Variants in ZBTB46 observed in about 807,000 individuals in gnomAD.
ZBTB46 encodes the protein zinc finger and BTB domain containing 46.
In ZBTB46, 8 loss-of-function variants were observed where a neutral mutation model predicts 44.1. The ratio of observed to expected loss-of-function variants is 0.18; its 90% CI spans 0.11 to 0.33. ZBTB46 has a LOEUF of 0.33. Ranked by LOEUF, ZBTB46 falls within the 10% of genes least tolerant of loss-of-function variation. The probability of loss-of-function intolerance (pLI) is 1.00; values close to 1 mark genes in which losing one functional copy is unlikely to be tolerated. For missense variants in ZBTB46, 651 were observed against 847.7 expected (o/e 0.77, Z 2.88); for synonymous variants, 409 against 382.3 (o/e 1.07, Z -0.81).
chr20:63,771,689 C>T (rs530729609), intron 3 of ZBTB46, among the ~76,000 whole-genome samples: 12 of 152,308 alleles, frequency 7.9e-5, no homozygotes, highest in Non-Finnish European at 1.3e-4. Flanking sequence ...CTGGTGTCCA[C>T]GGTTTACTCC....
chr20:63,774,299 G>A (rs1416546394), intron 3 of ZBTB46, among the ~76,000 whole-genome samples: 7 of 152,152 alleles, frequency 4.6e-5, no homozygotes, highest in East Asian at 1.9e-4. Context: ...TCACACCAAC[G>A]CGAAAATTCG....
At position 63,806,331 on chromosome 20, in the gene ZBTB46, C is replaced by T. The variant is rs148030623; in HGVS notation, c.-33-15541G>A. Among the ~76,000 whole-genome samples, 478 of 148,590 alleles carry T rather than the reference C, an allele frequency of 3.2e-3. 2 individuals carry two copies. The highest frequency in any genetic ancestry group is 0.011 in the African/African-American group (436 of 40,344). Reference sequence around the variant, plus strand: ...CTGATGCAGGAAAATTGCTTGAACCCGAGAGGCAGAGGTTGCAGTGAGCCG... The same window carrying T: ...CTGATGCAGGAAAATTGCTTGAACCTGAGAGGCAGAGGTTGCAGTGAGCCG... On this transcript the variant is annotated intron_variant, in intron 1 of 4. Coordinates refer to ENST00000245663, the MANE Select transcript of ZBTB46 (RefSeq NM_001369741.1).
chr20:63,822,779 T>C (rs2092799365), intron 1 of ZBTB46, among the ~76,000 whole-genome samples: 5 of 152,010 alleles, frequency 3.3e-5, no homozygotes, highest in Non-Finnish European at 5.9e-5. Flanking sequence ...TTTGGGAGGC[T>C]GAGGCAGGAT....
At chr20:63,833,102 C>G (rs971090397), upstream of ZBTB46, among the ~76,000 whole-genome samples, 1 of 152,254 alleles carries the variant, frequency 6.6e-6, no homozygotes, top group Non-Finnish European at 1.5e-5. Context: ...CCCTAGACAG[C>G]CTCCAAGGAG....
At chr20:63,821,036 G>A (rs1293856017) in intron 1 of ZBTB46, among the ~76,000 whole-genome samples, 1 of 152,002 alleles carries the variant, frequency 6.6e-6, no homozygotes, top group African/African-American at 2.4e-5. Context: ...GGGATTACAG[G>A]CATGCGCCAT....
chr20:63,752,106 T>G lies in ZBTB46; in HGVS notation c.1398+580A>C, dbSNP rs2092173716. ...CCCCGAACCCTTGGGGCCGCCCCGC[T>G]CTGGGCTGCCTGTGCCCCACCCGCC... On this transcript the variant is annotated intron_variant, in intron 4 of 4. Transcript: ENST00000245663. The surrounding 1 kb of genome is among the most constrained non-coding windows in gnomAD (Gnocchi z 5.6). Among the ~76,000 whole-genome samples, 1 of 152,032 alleles carries G rather than the reference T, an allele frequency of 6.6e-6. No homozygotes were observed. Among genetic ancestry groups the G allele is most frequent in the African/African-American group, 2.4e-5 (1 of 41,392 alleles).
At chr20:63,832,191 C>A (rs540867231), upstream of ZBTB46, among the ~76,000 whole-genome samples, 120 of 152,264 alleles carry the variant, frequency 7.9e-4, 1 homozygote, top group African/African-American at 2.7e-3. The surrounding 1 kb of genome is among the most constrained non-coding windows in gnomAD (Gnocchi z 5.0). Context: ...CTCCACCACT[C>A]GGCGCCCGGA....
intron 1 of ZBTB46, among the ~76,000 whole-genome samples, chr20:63,801,130 T>C (rs972692126): frequency 2.0e-5 from 3 of 152,140 alleles, no homozygotes; most frequent in East Asian, 1.9e-4. Context: ...GGTTTGTAAA[T>C]GCACCAATCA....
At chr20:63,811,624 AGAGATCTGCACGTGT>A (rs969366244) in intron 1 of ZBTB46, among the ~76,000 whole-genome samples, 4 of 151,688 alleles carry the variant, frequency 2.6e-5, no homozygotes, top group African/African-American at 9.7e-5. Context: ...TGGGCCCAGC[AGAGATCTGCACGTGT>A]GAGGGTCAGC....
In ZBTB46 at chr20:63,775,742, G is replaced by T; in HGVS notation, c.1158C>A (p.Asp386Glu). The T allele has an allele frequency of 6.2e-7, 1 of 1,612,080 alleles. No individual in the cohort carries two copies. The highest frequency in any genetic ancestry group is 8.5e-7 in the Non-Finnish European group (1 of 1,179,164). Residue 386 changes from aspartate (D) to glutamate (E), a missense_variant, in exon 3 of 5, where the codon GAC becomes GAA. Physicochemically the swap from Asp to Glu is conservative, Grantham distance 45 (BLOSUM62 2). Around this residue, in one of 5 missense-constraint regions of ZBTB46, gnomAD observed 385 missense variants for 423.3 expected, o/e 0.91. Coordinates refer to ENST00000245663, the MANE Select transcript of ZBTB46 (RefSeq NM_001369741.1). ...GCAGGGAGCCGTCATCCCCCAGCAC[G>T]TCGGCCTTCAGCGACAGCAGGCTGT... ...SKNSLLSLKADVLGDDGSLLF... is the reference protein window; with the variant it reads ...SKNSLLSLKAEVLGDDGSLLF...
At chr20:63,771,154 C>T (rs1601429189) in intron 3 of ZBTB46, among the ~76,000 whole-genome samples, 2 of 152,322 alleles carry the variant, frequency 1.3e-5, no homozygotes, top group African/African-American at 2.4e-5. Context: ...GGCTGGGTAC[C>T]GGGGACCCTC....
chr20:63,781,789 CA>C (rs112270335), intron 2 of ZBTB46, among the ~76,000 whole-genome samples: 4 of 148,652 alleles, frequency 2.7e-5, no homozygotes, highest in Non-Finnish European at 3.0e-5. Context: ...GAGACTCTGT[CA>C]AAAAAAAAAT....
intron 3 of ZBTB46, among the ~76,000 whole-genome samples, chr20:63,756,500 G>A (rs2092221631): frequency 6.6e-6 from 1 of 152,074 alleles, no homozygotes; most frequent in African/African-American, 2.4e-5. Context: ...GTTTACAAAT[G>A]TATTAGGCTG....
Position 63,774,702 on chromosome 20 carries a change from TTTTTTTTG to T in ZBTB46, c.1222+968_1222+975del, listed in dbSNP as rs1396397917. Among the ~76,000 whole-genome samples, 8 of 144,026 alleles carry T rather than the reference TTTTTTTTG, an allele frequency of 5.6e-5. 1 individual carries two copies. The East Asian group carries it at 1.0e-3, about 18-fold the overall frequency. 94.5% of individuals were successfully genotyped at this position (144,026 alleles called of 152,430 possible). On this transcript the variant is annotated intron_variant, in intron 3 of 4. Coordinates refer to ENST00000245663, the MANE Select transcript of ZBTB46 (RefSeq NM_001369741.1). ...TGGCTGCGGTGGGTTTTTTTTGTTT[TTTTTTTTG>T]TTTTTTTTTTTGAGACAGAGTCTCC... is the stretch of plus-strand genomic sequence containing the variant.
chr20:63,782,239 C>T (rs1172507061), intron 2 of ZBTB46, among the ~76,000 whole-genome samples: 3 of 150,908 alleles, frequency 2.0e-5, no homozygotes, highest in Admixed American at 6.6e-5. Flanking sequence ...AGAACGACTC[C>T]GCAGACCTGA....
chr20:63,757,378 C>A (rs905801403), intron 3 of ZBTB46, among the ~76,000 whole-genome samples: 10 of 152,176 alleles, frequency 6.6e-5, no homozygotes, highest in African/African-American at 1.9e-4. Context: ...CCGCCTCGGC[C>A]TCCCAAAGTG....
chr20:63,744,281 C>G lies in ZBTB46; in HGVS notation c.*2649G>C, dbSNP rs2092066800. 2 of 152,168 alleles carry G rather than the reference C, an allele frequency of 1.3e-5. No homozygotes were observed. Among genetic ancestry groups the G allele is most frequent in the Admixed American group, 1.3e-4 (2 of 15,268 alleles). The allele number at this position is 152,168 out of a possible 1,614,324, so 9.4% of individuals were successfully genotyped here. On this transcript the variant is annotated 3_prime_UTR_variant, in exon 5 of 5. Coordinates refer to ENST00000245663, the MANE Select transcript of ZBTB46 (RefSeq NM_001369741.1). ...CAAAGTTGGAAGCAGTAAGCTGCGT[C>G]TTCTGAGTCAGTTCCCTACGTAGCC...
At chr20:63,820,713 T>C (rs1184453181) in intron 1 of ZBTB46, among the ~76,000 whole-genome samples, 1 of 152,094 alleles carries the variant, frequency 6.6e-6, no homozygotes, top group African/African-American at 2.4e-5. Flanking sequence ...ATTACAGGCG[T>C]GAGCCACCGC....
At chr20:63,756,985 C>A (rs2092226231) in intron 3 of ZBTB46, among the ~76,000 whole-genome samples, 1 of 152,230 alleles carries the variant, frequency 6.6e-6, no homozygotes, top group South Asian at 2.1e-4. Context: ...TTCTGTTGGG[C>A]ATGCCCTGGC....
Sources: allele counts gnomAD v4.1 joint callset (sites outside exome capture counted in the v4.1 genomes callset), GRCh38; gene constraint gnomAD v4.1.1; regional missense constraint gnomAD v4.1.1; non-coding constraint Gnocchi (gnomAD v3.1); transcripts MANE v1.5; gene names NCBI Gene and HGNC (gene_info 2026-07-23, HGNC 2026-07-21).